The following MAGI2 variants were observed in gnomAD, a reference collection of about 807,000 sequenced individuals.
The protein encoded by MAGI2 is membrane-associated guanylate kinase, WW and PDZ domain-containing protein 2.
MAGI2 carries 35 observed loss-of-function variants against 133.3 expected under a neutral mutation model. That is an observed-to-expected ratio of 0.26 (90% CI 0.20 to 0.35). MAGI2 has a LOEUF of 0.35. Ranked by LOEUF, MAGI2 falls within the 10% of genes least tolerant of loss-of-function variation. The probability of loss-of-function intolerance (pLI) is 1.00; values close to 1 mark genes in which losing one functional copy is unlikely to be tolerated. For synonymous variants in MAGI2, 729 were observed against 710.6 expected (o/e 1.03, Z -0.41); for missense variants, 1,636 against 1,863.4 (o/e 0.88, Z 2.25).
intron 2 of MAGI2, among the ~76,000 whole-genome samples, chr7:78,946,207 TTTGG>T (rs141980378): frequency 0.014 from 2,085 of 152,272 alleles, 50 homozygotes; most frequent in African/African-American, 0.048. Flanking sequence ...TAAGTCAGCC[TTTGG>T]TTGGTTTTCA....
chr7:78,727,521 C>G (rs1820935081), intron 2 of MAGI2, among the ~76,000 whole-genome samples: 1 of 152,154 alleles, frequency 6.6e-6, no homozygotes, highest in Non-Finnish European at 1.5e-5. Context: ...TTCATGGATG[C>G]AAATGCACAA....
At chr7:78,571,550 T>C (rs760398141) in intron 3 of MAGI2, among the ~76,000 whole-genome samples, 85 of 152,282 alleles carry the variant, frequency 5.6e-4, no homozygotes, top group Admixed American at 9.2e-4. Flanking sequence ...GTACTTTCAG[T>C]CATTTTTAAT....
At chr7:79,184,726 C>T (rs907077375) in intron 1 of MAGI2, among the ~76,000 whole-genome samples, 18 of 151,692 alleles carry the variant, frequency 1.2e-4, no homozygotes, top group African/African-American at 3.9e-4. Context: ...AACTTAAATG[C>T]AATTGAAATG....
intron 1 of MAGI2, among the ~76,000 whole-genome samples, chr7:79,143,381 C>G (rs1412745088): frequency 6.6e-6 from 1 of 152,196 alleles, no homozygotes; most frequent in Non-Finnish European, 1.5e-5. Flanking sequence ...TGAAACTATG[C>G]AAACACAGGT....
chr7:78,285,580 T>C (rs1796061866), intron 9 of MAGI2: 1 of 152,178 alleles, frequency 6.6e-6, no homozygotes, highest in Admixed American at 6.6e-5. Flanking sequence ...ATGGGGAAAC[T>C]AAAGCCCGAA....
intron 1 of MAGI2, among the ~76,000 whole-genome samples, chr7:79,346,529 T>A (rs1252870619): frequency 2.0e-5 from 3 of 151,992 alleles, no homozygotes; most frequent in Admixed American, 1.3e-4. Flanking sequence ...CTCATCAGAC[T>A]ATTACAGCAT....
At chr7:78,078,784 GTGTA>G (rs939236275) in intron 21 of MAGI2, 159 bp downstream of exon 21, 10 of 703,816 alleles carry the variant, frequency 1.4e-5, no homozygotes, top group Middle Eastern at 3.0e-4. Flanking sequence ...ACGTGTGTGT[GTGTA>G]TGTGTGTGTG....
chr7:79,274,773 A>T (rs1478414536), intron 1 of MAGI2, among the ~76,000 whole-genome samples: 3 of 152,150 alleles, frequency 2.0e-5, no homozygotes, highest in Admixed American at 6.6e-5. Context: ...CATTTTTCCA[A>T]CATGATCACT....
intron 2 of MAGI2, among the ~76,000 whole-genome samples, chr7:78,912,033 T>C (rs2052402): frequency 0.41 from 61,899 of 151,922 alleles, 13,075 homozygotes; most frequent in East Asian, 0.6. Flanking sequence ...AATTATATTT[T>C]TAATTTAAAA....
At chr7:79,316,681 T>G (rs1408735483) in intron 1 of MAGI2, among the ~76,000 whole-genome samples, 2 of 152,194 alleles carry the variant, frequency 1.3e-5, no homozygotes, top group Non-Finnish European at 1.5e-5. Flanking sequence ...AGACTAATGT[T>G]GTATCAGACC....
intron 6 of MAGI2, among the ~76,000 whole-genome samples, chr7:78,427,393 T>C (rs905660830): frequency 6.6e-6 from 1 of 151,858 alleles, no homozygotes; most frequent in Admixed American, 6.6e-5. Context: ...AGTAAAAGGA[T>C]AGAAAAAGAC....
At chr7:78,676,633 G>A (rs913142349) in intron 2 of MAGI2, among the ~76,000 whole-genome samples, 1 of 151,956 alleles carries the variant, frequency 6.6e-6, no homozygotes, top group Admixed American at 6.6e-5. Flanking sequence ...TGATTAAAAC[G>A]CAGTCTGTAT....
chr7:79,263,064 C>T (rs1359311656), intron 1 of MAGI2, among the ~76,000 whole-genome samples: 1 of 152,066 alleles, frequency 6.6e-6, no homozygotes, highest in African/African-American at 2.4e-5. Context: ...TAGAAGTAGA[C>T]AACCATGTGA....
intron 2 of MAGI2, among the ~76,000 whole-genome samples, chr7:78,988,853 C>T (rs976172475): frequency 5.3e-5 from 8 of 151,890 alleles, no homozygotes; most frequent in African/African-American, 1.7e-4. Flanking sequence ...GGGAAGGATA[C>T]GTTAGCGCTA....
chr7:78,052,751 A>G (rs760513612), intron 21 of MAGI2, among the ~76,000 whole-genome samples: 1 of 152,218 alleles, frequency 6.6e-6, no homozygotes, highest in Non-Finnish European at 1.5e-5. Context: ...CTGACCCCCT[A>G]TAAGAATGCA....
chr7:78,364,132 G>T (rs1465864437), intron 7 of MAGI2, among the ~76,000 whole-genome samples: 1 of 152,028 alleles, frequency 6.6e-6, no homozygotes, highest in Non-Finnish European at 1.5e-5. Context: ...CATACTTTTG[G>T]CCACTAAGTG....
chr7:79,208,126 C>T (rs910344200), intron 1 of MAGI2, among the ~76,000 whole-genome samples: 1 of 151,770 alleles, frequency 6.6e-6, no homozygotes, highest in Non-Finnish European at 1.5e-5. Context: ...TTGGACTGGG[C>T]AATAACTTTT....
chr7:78,320,092 G>A (rs1369577171), intron 9 of MAGI2, among the ~76,000 whole-genome samples: 1 of 152,124 alleles, frequency 6.6e-6, no homozygotes, highest in African/African-American at 2.4e-5. Context: ...TCGAATCCTT[G>A]AATAGATCAA....
chr7:78,105,855 T>C (rs2151257502), intron 20 of MAGI2, among the ~76,000 whole-genome samples: 1 of 152,260 alleles, frequency 6.6e-6, no homozygotes, highest in South Asian at 2.1e-4. Context: ...CATTTCTTTG[T>C]ATCAGAAACA....
Sources: allele counts gnomAD v4.1 joint callset (sites outside exome capture counted in the v4.1 genomes callset), GRCh38; gene constraint gnomAD v4.1.1; transcripts MANE v1.5; gene names NCBI Gene and HGNC (gene_info 2026-07-23, HGNC 2026-07-21).